The following GSTT4 variants were observed in gnomAD, a reference collection of about 807,000 sequenced individuals.
GSTT4 encodes glutathione S-transferase theta 4, also known as glutathione S-transferase theta-4.
intron 2 of GSTT4, among the ~76,000 whole-genome samples, chr22:24,002,415 C>G (rs1371780395): frequency 1.3e-5 from 2 of 152,270 alleles, no homozygotes; most frequent in Non-Finnish European, 2.9e-5. Context: ...GTGTGGGAAC[C>G]TCCGCAGAAC....
At chr22:23,994,064 G>T (rs1268727355), downstream of GSTT4, among the ~76,000 whole-genome samples, 1 of 152,210 alleles carries the variant, frequency 6.6e-6, no homozygotes, top group Non-Finnish European at 1.5e-5. Context: ...CTTACTCCAA[G>T]ATGGCCAAAT....
At chr22:23,996,442 T>G (rs402635), downstream of GSTT4, among the ~76,000 whole-genome samples, 7,136 of 137,858 alleles carry the variant, frequency 0.052, 286 homozygotes, top group East Asian at 0.23. Context: ...GGGAAACGCT[T>G]GATCTTTCAC....
chr22:23,994,710 G>C (rs910338080), downstream of GSTT4, among the ~76,000 whole-genome samples: 3 of 151,710 alleles, frequency 2.0e-5, no homozygotes, highest in Non-Finnish European at 4.4e-5. Flanking sequence ...ACAACAATGT[G>C]AGCACTAAAG....
At chr22:24,003,323 G>A (rs75266079) in intron 2 of GSTT4, among the ~76,000 whole-genome samples, 11,361 of 63,604 alleles carry the variant, frequency 0.18, no homozygotes, top group Middle Eastern at 0.23. Context: ...CAGTCTTTCC[G>A]CCTCAGCCTC....
intron 2 of GSTT4, among the ~76,000 whole-genome samples, chr22:24,001,737 G>A (rs2034235118): frequency 6.6e-6 from 1 of 152,264 alleles, no homozygotes; most frequent in African/African-American, 2.4e-5. Context: ...TGTAATCCCG[G>A]CACTTTGGGA....
At chr22:24,001,907 C>T (rs1351378738) in intron 2 of GSTT4, among the ~76,000 whole-genome samples, 1 of 152,286 alleles carries the variant, frequency 6.6e-6, no homozygotes, top group African/African-American at 2.4e-5. Context: ...ACGGGAGTCA[C>T]TTGAACCTGG....
chr22:23,996,699 A>G (rs1296255362), downstream of GSTT4, among the ~76,000 whole-genome samples: 4 of 152,224 alleles, frequency 2.6e-5, no homozygotes, highest in African/African-American at 9.7e-5. Flanking sequence ...GTCAAGGTGT[A>G]TGATCCTTTT....
chr22:23,995,433 A>T (rs2034107033), downstream of GSTT4, among the ~76,000 whole-genome samples: 1 of 152,012 alleles, frequency 6.6e-6, no homozygotes, highest in South Asian at 2.1e-4. Context: ...ATGCTACCTA[A>T]TAATTCCCTA....
At chr22:23,995,020 A>G (rs1983799737), downstream of GSTT4, among the ~76,000 whole-genome samples, 1 of 152,114 alleles carries the variant, frequency 6.6e-6, no homozygotes, top group African/African-American at 2.4e-5. Context: ...GAGGGAGAGG[A>G]TTTGCTCTAG....
chr22:24,003,425 G>T (rs867789399), intron 2 of GSTT4, among the ~76,000 whole-genome samples: 3 of 152,258 alleles, frequency 2.0e-5, no homozygotes, highest in Non-Finnish European at 4.4e-5. Flanking sequence ...GTCTAGGCTA[G>T]GCTGGTCTTG....
At chr22:24,002,128 T>C in intron 2 of GSTT4, among the ~76,000 whole-genome samples, 1 of 152,392 alleles carries the variant, frequency 6.6e-6, no homozygotes, top group Middle Eastern at 3.4e-3. Context: ...CCAGAGACAC[T>C]GTGGAGTCCA....
intron 4 of GSTT4, among the ~76,000 whole-genome samples, chr22:23,999,808 C>T (rs1248802412): frequency 1.3e-5 from 2 of 150,914 alleles, no homozygotes; most frequent in Non-Finnish European, 2.9e-5. Context: ...CAGTGTTCTT[C>T]TCTATCCCAG....
Sources: gnomAD v4.1 joint callset for allele counts (sites outside exome capture counted in the v4.1 genomes callset) on GRCh38, gnomAD v4.1.1 for gene constraint, MANE v1.5 for transcripts, NCBI Gene and HGNC (gene_info 2026-07-23, HGNC 2026-07-21) for gene names.